The following ZNF804B variants were observed in gnomAD, a reference collection of about 807,000 sequenced individuals.
ZNF804B encodes the protein zinc finger protein 804B, also known as zinc finger 804B.
A neutral mutation model predicts 101.4 loss-of-function variants in ZNF804B; 80 were observed. The observed-to-expected ratio is 0.79, with a 90% CI of 0.66 to 0.95. The LOEUF (loss-of-function observed/expected upper bound fraction) is 0.95, where lower values mean the gene tolerates loss of function less well. ZNF804B is among the 40% of genes least tolerant of loss of function. The pLI, the probability that ZNF804B is intolerant of heterozygous loss-of-function variation, is 0.00. For synonymous variants in ZNF804B, 622 were observed against 558.8 expected (o/e 1.11, Z -1.59); for missense variants, 1,673 against 1,561.9 (o/e 1.07, Z -1.20).
At chr7:89,077,721 T>A (rs1219617942) in intron 1 of ZNF804B, among the ~76,000 whole-genome samples, 1 of 152,154 alleles carries the variant, frequency 6.6e-6, no homozygotes, top group Non-Finnish European at 1.5e-5. Flanking sequence ...TATTTTTGAA[T>A]AAAAGATGTT....
intron 2 of ZNF804B, among the ~76,000 whole-genome samples, chr7:89,325,413 G>A (rs995879897): frequency 6.6e-6 from 1 of 151,934 alleles, no homozygotes; most frequent in Admixed American, 6.6e-5. Flanking sequence ...TCTTACAGAA[G>A]TGTAAGCACT....
chr7:88,854,418 T>TCTTCCTTCCTTCCTTC (rs1791503967), intron 1 of ZNF804B, among the ~76,000 whole-genome samples: 1 of 85,176 alleles, frequency 1.2e-5, no homozygotes, highest in African/African-American at 4.4e-5. Context: ...TTTCTTCCTT[T>TCTTCCTTCCTTCCTTC]CTTTCTTTCT....
chr7:89,288,892 G>A (rs945660056), intron 2 of ZNF804B, among the ~76,000 whole-genome samples: 19 of 152,110 alleles, frequency 1.2e-4, no homozygotes, highest in African/African-American at 3.1e-4. Flanking sequence ...ATATATTTTT[G>A]TATCTCTAAA....
chr7:89,262,134 T>TC lies in ZNF804B; in HGVS notation c.249+43839_249+43840insC, dbSNP rs1789720834. Reference sequence around the variant, plus strand: ...CTTCCAAAACACTCATATTTCCCCCTTTTTCAACTTCGTTGATTGACCTGG... The same window carrying TC: ...CTTCCAAAACACTCATATTTCCCCCTCTTTTCAACTTCGTTGATTGACCTGG... On this transcript the variant is annotated intron_variant, in intron 2 of 3. Coordinates refer to ENST00000333190, the MANE Select transcript of ZNF804B (RefSeq NM_181646.5). Among the ~76,000 whole-genome samples, 6 of 152,214 alleles carry TC rather than the reference T, an allele frequency of 3.9e-5. No homozygotes were observed. In the South Asian group the frequency reaches 1.2e-3, roughly 32 times the overall value.
chr7:88,868,068 TG>T (rs1791761849), intron 1 of ZNF804B, among the ~76,000 whole-genome samples: 1 of 151,770 alleles, frequency 6.6e-6, no homozygotes, highest in South Asian at 2.1e-4. Context: ...TGTGTGTGTG[TG>T]TGTGTGTGTG....
intron 1 of ZNF804B, among the ~76,000 whole-genome samples, chr7:89,193,130 A>T (rs1018423728): frequency 6.6e-6 from 1 of 152,020 alleles, no homozygotes; most frequent in Non-Finnish European, 1.5e-5. Context: ...TCAGCATAGT[A>T]TTGGAAGTCC....
chr7:89,168,857 A>C (rs1460514234), intron 1 of ZNF804B, among the ~76,000 whole-genome samples: 2 of 152,098 alleles, frequency 1.3e-5, no homozygotes. Context: ...GTTACAGGCC[A>C]GTCTTTGTTC....
chr7:88,877,141 C>G (rs1308295113), intron 1 of ZNF804B, among the ~76,000 whole-genome samples: 1 of 134,462 alleles, frequency 7.4e-6, no homozygotes, highest in Admixed American at 8.0e-5. Context: ...CTCACTGAAA[C>G]CTCCACCTCC....
intron 1 of ZNF804B, among the ~76,000 whole-genome samples, chr7:88,913,437 C>G (rs1792582267): frequency 6.6e-6 from 1 of 152,120 alleles, no homozygotes. Context: ...TTTTGTTGCC[C>G]AAGCTGGAGT....
At chr7:88,827,489 A>C (rs1791066213) in intron 1 of ZNF804B, among the ~76,000 whole-genome samples, 1 of 151,782 alleles carries the variant, frequency 6.6e-6, no homozygotes, top group Non-Finnish European at 1.5e-5. Flanking sequence ...CTTTTATGTT[A>C]ATGTTCGTTT....
At chr7:89,262,812 A>T (rs751173617) in intron 2 of ZNF804B, among the ~76,000 whole-genome samples, 5 of 152,144 alleles carry the variant, frequency 3.3e-5, no homozygotes, top group Non-Finnish European at 7.3e-5. Context: ...CTTATTGTAC[A>T]ATTGCTTAGT....
intron 1 of ZNF804B, among the ~76,000 whole-genome samples, chr7:89,123,009 A>G (rs1790427419): frequency 6.6e-6 from 1 of 151,990 alleles, no homozygotes; most frequent in East Asian, 1.9e-4. Context: ...ACCGAACCCT[A>G]TGGACTGAGC....
At chr7:89,029,562 A>G (rs948576159) in intron 1 of ZNF804B, among the ~76,000 whole-genome samples, 2 of 152,206 alleles carry the variant, frequency 1.3e-5, no homozygotes, top group African/African-American at 2.4e-5. Context: ...CATCTGTAAA[A>G]TCAATATAAC....
rs143240566 is a variant in ZNF804B, at chr7:88,914,015, A to G, written c.108+153931A>G. 1.3e-4 allele frequency among the ~76,000 whole-genome samples: 20 copies of G among 152,294 alleles called. 1 individual carries two copies. Among genetic ancestry groups the G allele is most frequent in the African/African-American group, 4.8e-4 (20 of 41,562 alleles). On this transcript the variant is annotated intron_variant, in intron 1 of 3. Coordinates refer to ENST00000333190, the MANE Select transcript of ZNF804B (RefSeq NM_181646.5). Reference sequence around the variant, plus strand: ...AAACTGAACCAAAAGCATTGATAGTAGTTGAAGTCTGGGGTCTGAGAGAAA... The same window carrying G: ...AAACTGAACCAAAAGCATTGATAGTGGTTGAAGTCTGGGGTCTGAGAGAAA...
At chr7:88,796,879 A>G (rs568126718) in intron 1 of ZNF804B, among the ~76,000 whole-genome samples, 3 of 152,168 alleles carry the variant, frequency 2.0e-5, no homozygotes, top group Non-Finnish European at 4.4e-5. Context: ...ATATTTTTCA[A>G]TCTGAGTCTC....
intron 1 of ZNF804B, among the ~76,000 whole-genome samples, chr7:89,108,066 A>G (rs542716811): frequency 5.3e-5 from 8 of 152,268 alleles, no homozygotes; most frequent in Admixed American, 5.2e-4. Flanking sequence ...AGAGAAAGCA[A>G]TCATGAAACA....
At chr7:89,210,145 CAAA>C (rs35071660) in intron 1 of ZNF804B, among the ~76,000 whole-genome samples, 3 of 128,990 alleles carry the variant, frequency 2.3e-5, no homozygotes, top group Admixed American at 1.6e-4. Context: ...GACTTCATAT[CAAA>C]AAAAAAAAAA....
intron 1 of ZNF804B, among the ~76,000 whole-genome samples, chr7:88,983,852 T>C (rs993647317): frequency 1.9e-4 from 29 of 152,184 alleles, no homozygotes; most frequent in African/African-American, 6.7e-4. Flanking sequence ...CTAAAGCTGA[T>C]TCTTGATCAT....
At chr7:89,148,105 T>C (rs1411857876) in intron 1 of ZNF804B, among the ~76,000 whole-genome samples, 1 of 152,006 alleles carries the variant, frequency 6.6e-6, no homozygotes, top group East Asian at 1.9e-4. Flanking sequence ...CATTTTGATA[T>C]AGATGAATAT....
Sources: gnomAD v4.1 joint callset for allele counts (sites outside exome capture counted in the v4.1 genomes callset) on GRCh38, gnomAD v4.1.1 for gene constraint, MANE v1.5 for transcripts, NCBI Gene and HGNC (gene_info 2026-07-23, HGNC 2026-07-21) for gene names.